Variants in NBAS observed in about 807,000 individuals in gnomAD.
NBAS encodes the protein NAG/BC035112 fusion.
A neutral mutation model predicts 302.5 loss-of-function variants in NBAS; 219 were observed. The ratio of observed to expected loss-of-function variants is 0.72; its 90% CI spans 0.65 to 0.81. NBAS has a LOEUF of 0.81. NBAS is among the 30% of genes least tolerant of loss of function. The pLI, the probability that NBAS is intolerant of heterozygous loss-of-function variation, is 0.00. For synonymous variants in NBAS, 1,118 were observed against 1,021.6 expected (o/e 1.09, Z -1.80); for missense variants, 2,932 against 2,841.6 (o/e 1.03, Z -0.72).
the NBAS span, among the ~76,000 whole-genome samples, chr2:14,931,731 T>C: frequency 6.6e-6 from 1 of 152,198 alleles, no homozygotes; most frequent in African/African-American, 2.4e-5. Flanking sequence ...TTCTGTTGTG[T>C]GAGGCCCCAA....
At chr2:15,307,053 CG>C (rs1558520297) in intron 40 of NBAS, among the ~76,000 whole-genome samples, 1 of 152,134 alleles carries the variant, frequency 6.6e-6, no homozygotes, top group African/African-American at 2.4e-5. Flanking sequence ...CCTCCCCTCC[CG>C]GGGGATGTGA....
At chr2:15,503,859 A>G (rs1051938475) in intron 11 of NBAS, among the ~76,000 whole-genome samples, 2 of 152,206 alleles carry the variant, frequency 1.3e-5, no homozygotes, top group Non-Finnish European at 2.9e-5. Context: ...ATATGTATAT[A>G]ATGTTTCTAG....
At chr2:15,222,965 G>C (rs1048025253) in intron 47 of NBAS, among the ~76,000 whole-genome samples, 1 of 152,196 alleles carries the variant, frequency 6.6e-6, no homozygotes, top group Non-Finnish European at 1.5e-5. Flanking sequence ...CTCATTTTGT[G>C]TTGATAGTTC....
chr2:15,468,619 T>A (rs1572894944), intron 16 of NBAS, 86 bp from the exon 17 acceptor site: 1 of 1,457,626 alleles, frequency 6.9e-7, no homozygotes. Context: ...TGTAAAGCTA[T>A]ACCTGATGTA....
At chr2:15,093,473 T>C in the NBAS span, among the ~76,000 whole-genome samples, 2 of 152,222 alleles carry the variant, frequency 1.3e-5, no homozygotes, top group Non-Finnish European at 2.9e-5. Context: ...TTGATAACCA[T>C]GTTCAACATA....
intron 47 of NBAS, among the ~76,000 whole-genome samples, chr2:15,225,266 G>A (rs1667106293): frequency 6.6e-6 from 1 of 152,198 alleles, no homozygotes. Context: ...ACACCTTGCT[G>A]TAACATGGCA....
intron 32 of NBAS, among the ~76,000 whole-genome samples, chr2:15,356,957 A>G (rs1268291894): frequency 6.6e-6 from 1 of 152,216 alleles, no homozygotes; most frequent in Non-Finnish European, 1.5e-5. Flanking sequence ...GTCCTTGGAC[A>G]TATCCTTGAG....
intron 2 of NBAS, 62 bp downstream of exon 2, chr2:15,558,518 T>A: frequency 7.4e-7 from 1 of 1,357,656 alleles, no homozygotes; most frequent in Non-Finnish European, 1.0e-6. Flanking sequence ...ACATCAGAAG[T>A]CTAAAGAACA....
At chr2:15,522,555 A>G (rs1662723101) in intron 9 of NBAS, among the ~76,000 whole-genome samples, 1 of 152,216 alleles carries the variant, frequency 6.6e-6, no homozygotes, top group East Asian at 1.9e-4. Context: ...GACTTCAAAG[A>G]TATTACATAT....
chr2:14,957,962 C>A, the NBAS span, among the ~76,000 whole-genome samples: 27 of 152,292 alleles, frequency 1.8e-4, no homozygotes, highest in African/African-American at 6.5e-4. Flanking sequence ...CCACAGTGGG[C>A]TGATTCTGGA....
intron 21 of NBAS, among the ~76,000 whole-genome samples, chr2:15,433,122 G>A (rs930656525): frequency 2.0e-5 from 3 of 152,088 alleles, no homozygotes; most frequent in Non-Finnish European, 4.4e-5. Flanking sequence ...CTGCTCAAAT[G>A]AAAATGAGAC....
the NBAS span, among the ~76,000 whole-genome samples, chr2:15,144,669 C>T: frequency 1.3e-5 from 2 of 152,118 alleles, no homozygotes; most frequent in African/African-American, 4.8e-5. Context: ...TTTTGCATAT[C>T]TATCCTCTAA....
chr2:15,373,522 G>A (rs1188056979), intron 31 of NBAS, among the ~76,000 whole-genome samples: 2 of 152,026 alleles, frequency 1.3e-5, no homozygotes, highest in Non-Finnish European at 2.9e-5. Flanking sequence ...GTAGAGACAG[G>A]GTATCACTAT....
At chr2:15,149,877 G>A in the NBAS span, among the ~76,000 whole-genome samples, 1 of 151,862 alleles carries the variant, frequency 6.6e-6, no homozygotes, top group Non-Finnish European at 1.5e-5. Flanking sequence ...TTTTGCACAT[G>A]GGCTCTTGGA....
chr2:15,402,230 T>C lies in NBAS; in HGVS notation c.3009A>G (p.Glu1003=). 6.2e-7 allele frequency: 1 copy of C among 1,613,680 alleles called. No homozygotes were observed. The highest frequency in any genetic ancestry group is 8.5e-7 in the Non-Finnish European group (1 of 1,179,700). Residue 1003 remains glutamate (E), a synonymous_variant, in exon 26 of 52, where the codon GAA becomes GAG. Transcript: ENST00000281513. ...AGCAAAGACAGAGTTGATCATTTCG[T>C]TCACAGGTATAGATGCACTCTAGTG... is the stretch of plus-strand genomic sequence containing the variant. ...AIALECIYTC[E]RNDQLCLCYD... is the part of the protein sequence containing the mutation.
chr2:14,796,248 A>G, the NBAS span, among the ~76,000 whole-genome samples: 2 of 152,306 alleles, frequency 1.3e-5, no homozygotes, highest in Admixed American at 1.3e-4. Flanking sequence ...GTGAAGCATT[A>G]TAGTGATTCT....
At chr2:15,205,732 T>C (rs895065743) in intron 48 of NBAS, among the ~76,000 whole-genome samples, 3 of 152,148 alleles carry the variant, frequency 2.0e-5, no homozygotes, top group South Asian at 2.1e-4. Context: ...GTTCTTGTCA[T>C]AGAGTTCTCA....
At chr2:14,845,814 G>T in the NBAS span, among the ~76,000 whole-genome samples, 1 of 151,878 alleles carries the variant, frequency 6.6e-6, no homozygotes, top group African/African-American at 2.4e-5. Context: ...TTAAGTAGAA[G>T]AAAGAATTAG....
At chr2:15,012,167 G>A in the NBAS span, among the ~76,000 whole-genome samples, 1 of 152,114 alleles carries the variant, frequency 6.6e-6, no homozygotes, top group East Asian at 1.9e-4. Context: ...AGATAATTGA[G>A]TGAAATAAGA....
Sources: allele counts gnomAD v4.1 joint callset (sites outside exome capture counted in the v4.1 genomes callset), GRCh38; gene constraint gnomAD v4.1.1; transcripts MANE v1.5; gene names NCBI Gene and HGNC (gene_info 2026-07-23, HGNC 2026-07-21).